The following DLG2 variants were observed in gnomAD, a reference collection of about 807,000 sequenced individuals.
The protein encoded by DLG2 is discs large MAGUK scaffold protein 2.
DLG2 carries 45 observed loss-of-function variants against 132.5 expected under a neutral mutation model. The ratio of observed to expected loss-of-function variants is 0.34; its 90% CI spans 0.27 to 0.44. The LOEUF (loss-of-function observed/expected upper bound fraction) is 0.44. DLG2 is among the 20% of genes least tolerant of loss of function. The pLI is 1.00. For synonymous variants in DLG2, 424 were observed against 419.6 expected, an observed-to-expected ratio of 1.01 and a Z score of -0.13; for missense variants, 1,045 against 1,196.9, an observed-to-expected ratio of 0.87 and a Z score of 1.87.
At chr11:84,941,449 T>C (rs1372992713) in intron 6 of DLG2, among the ~76,000 whole-genome samples, 1 of 152,170 alleles carries the variant, frequency 6.6e-6, no homozygotes, top group Non-Finnish European at 1.5e-5. Context: ...GAGTTAAATT[T>C]TATCAAATCT....
intron 6 of DLG2, among the ~76,000 whole-genome samples, chr11:84,794,985 G>T (rs1394442483): frequency 6.6e-6 from 1 of 152,190 alleles, no homozygotes; most frequent in East Asian, 1.9e-4. Context: ...GGGCAGAAAG[G>T]AGCAGGTCCC....
At chr11:85,117,673 A>T (rs2073819651) in intron 5 of DLG2, among the ~76,000 whole-genome samples, 1 of 151,730 alleles carries the variant, frequency 6.6e-6, no homozygotes, top group South Asian at 2.1e-4. Context: ...AAAAAAAATG[A>T]AAAGAGAAGT....
At chr11:84,407,035 C>G (rs17147298) in intron 7 of DLG2, among the ~76,000 whole-genome samples, 20 of 152,244 alleles carry the variant, frequency 1.3e-4, no homozygotes, top group Middle Eastern at 3.4e-3. Flanking sequence ...TAGGCCTCAT[C>G]ATTAACCTAT....
At chr11:84,915,787 C>A (rs2092417128) in intron 6 of DLG2, among the ~76,000 whole-genome samples, 1 of 152,080 alleles carries the variant, frequency 6.6e-6, no homozygotes, top group Non-Finnish European at 1.5e-5. Context: ...TAAAATATTT[C>A]CAGCTTTCTG....
rs553979798 is a variant in DLG2 at position 84,946,202 on chromosome 11, C to T, written c.357+165459G>A. ...CCCCAGGGGTCCACTTAGTGCTCTA[C>T]GTCACTGTGGCCAAGCTGGTACCCA... On this transcript the variant is annotated intron_variant, in intron 6 of 27. Transcript: ENST00000376104. 1.2e-4 allele frequency among the ~76,000 whole-genome samples: 18 copies of T among 152,246 alleles called. 1 individual carries two copies. The South Asian group carries it at 2.7e-3, about 23-fold the overall frequency.
chr11:84,402,548 T>G lies in DLG2; in HGVS notation c.519+132022A>C, dbSNP rs575627686. Among the ~76,000 whole-genome samples the G allele has an allele frequency of 2.7e-5, 4 of 150,716 alleles. No individual in the cohort carries two copies. In the South Asian group the frequency reaches 8.4e-4, roughly 32 times the overall value. On this transcript the variant is annotated intron_variant, in intron 7 of 27. Transcript: ENST00000376104. ...ACATCATTTCATGATTAGTCCTTCA[T>G]GTCAAAAAAAAAAAATGTAAAAAGG...
intron 4 of DLG2, among the ~76,000 whole-genome samples, chr11:85,219,777 A>G (rs1237079992): frequency 6.6e-6 from 1 of 150,750 alleles, no homozygotes; most frequent in Non-Finnish European, 1.5e-5. Flanking sequence ...AAATAAGGTC[A>G]CATTCACAGA....
chr11:84,205,746 A>G (rs1263023638), intron 8 of DLG2, among the ~76,000 whole-genome samples: 1 of 152,122 alleles, frequency 6.6e-6, no homozygotes, highest in Non-Finnish European at 1.5e-5. Context: ...GGAAATCAAA[A>G]AAGATCAAAA....
At chr11:85,453,341 T>C (rs1041419961) in intron 3 of DLG2, 2 of 236,666 alleles carry the variant, frequency 8.5e-6, no homozygotes, top group African/African-American at 4.6e-5. Flanking sequence ...TGTAGCCCTA[T>C]TGAGTCTTTT....
chr11:84,026,373 T>C (rs1426354349), intron 11 of DLG2, among the ~76,000 whole-genome samples: 1 of 152,038 alleles, frequency 6.6e-6, no homozygotes, highest in African/African-American at 2.4e-5. Flanking sequence ...AGGGGAAAGG[T>C]AGTTAGTATA....
At chr11:85,480,732 AC>A (rs2093267980) in intron 3 of DLG2, among the ~76,000 whole-genome samples, 2 of 152,358 alleles carry the variant, frequency 1.3e-5, no homozygotes, top group Admixed American at 1.3e-4. Context: ...CAATTAAAAA[AC>A]AAGTGAACTG....
At chr11:85,254,508 A>G (rs563238239) in intron 4 of DLG2, among the ~76,000 whole-genome samples, 1 of 152,272 alleles carries the variant, frequency 6.6e-6, no homozygotes, top group South Asian at 2.1e-4. Flanking sequence ...TACACCTTCT[A>G]TATTTATTAA....
chr11:84,067,189 C>T (rs1035377716), intron 10 of DLG2, among the ~76,000 whole-genome samples: 5 of 151,878 alleles, frequency 3.3e-5, no homozygotes, highest in African/African-American at 1.2e-4. Context: ...AAAAAATTAG[C>T]CAGGCATGGT....
At chr11:84,532,117 A>ATT (rs67139617) in intron 7 of DLG2, among the ~76,000 whole-genome samples, 44,461 of 104,414 alleles carry the variant, frequency 0.43, 10,257 homozygotes, top group East Asian at 0.68. Context: ...TGTTCTGTTC[A>ATT]TTTTTTTTTT....
chr11:84,203,581 C>A (rs371503391), intron 8 of DLG2, among the ~76,000 whole-genome samples: 463 of 99,308 alleles, frequency 4.7e-3, no homozygotes, highest in East Asian at 7.9e-3. Context: ...GACTCCGTCT[C>A]AAAAAAAAAA....
rs372114532 is a variant in DLG2, at chr11:85,079,267, C to T, written c.357+32394G>A. Among the ~76,000 whole-genome samples, 19 of 152,084 alleles carry T rather than the reference C, an allele frequency of 1.2e-4. No individual in the cohort carries two copies. The South Asian group carries it at 3.5e-3, about 28-fold the overall frequency. On this transcript the variant is annotated intron_variant, in intron 6 of 27. Coordinates refer to ENST00000376104, the MANE Select transcript of DLG2 (RefSeq NM_001142699.3). ...AAGGTTTTCATTATGCAGATGAAGC[C>T]ACCAGGTAGCAAGCTTCAGAGAGAG...
chr11:84,994,949 G>A (rs780040208), intron 6 of DLG2, among the ~76,000 whole-genome samples: 2 of 152,126 alleles, frequency 1.3e-5, no homozygotes, highest in Admixed American at 6.5e-5. Flanking sequence ...TGGGGTGTGT[G>A]TAAGCACACA....
At position 85,154,639 on chromosome 11, in the gene DLG2, T is replaced by C. The variant is rs1291885267; in HGVS notation, c.199A>G (p.Ser67Gly). The change falls in exon 5 of 28, where the codon AGT becomes GGT. Residue 67 changes from serine (S) to glycine (G), a missense_variant. Physicochemically the swap from Ser to Gly is moderately conservative, Grantham distance 56. This residue lies in a region of DLG2 where 277 missense variants were observed against 238.2 expected (regional missense o/e 1.16). Coordinates refer to ENST00000376104, the MANE Select transcript of DLG2 (RefSeq NM_001142699.3). ...CATGAAGCATTTTCCTTTGATCCACTGCAATCTGTAAGCTAAAATAAAAGT... is the reference window on the plus strand; with the variant it reads ...CATGAAGCATTTTCCTTTGATCCACCGCAATCTGTAAGCTAAAATAAAAGT... ...LQKSSELTDC[S>G]GSKENASCIE... The C allele has an allele frequency of 2.7e-6, 4 of 1,501,808 alleles. No homozygotes were observed. Among genetic ancestry groups the C allele is most frequent in the South Asian group, 2.5e-5 (2 of 80,390 alleles). The allele number at this position is 1,501,808 out of a possible 1,614,324, so 93.0% of individuals were successfully genotyped here.
At chr11:85,487,508 T>C (rs576331236) in intron 3 of DLG2, among the ~76,000 whole-genome samples, 10 of 149,548 alleles carry the variant, frequency 6.7e-5, no homozygotes, top group Admixed American at 4.7e-4. Context: ...CTTATGGAAC[T>C]GAAAAATTAA....
Sources: allele counts gnomAD v4.1 joint callset (sites outside exome capture counted in the v4.1 genomes callset), GRCh38; gene constraint gnomAD v4.1.1; regional missense constraint gnomAD v4.1.1; transcripts MANE v1.5; gene names NCBI Gene and HGNC (gene_info 2026-07-23, HGNC 2026-07-21).